Variants in EYA2 observed in about 807,000 individuals in gnomAD.
EYA2 encodes protein phosphatase EYA2.
EYA2 carries 31 observed loss-of-function variants against 69.2 expected under a neutral mutation model. The ratio of observed to expected loss-of-function variants is 0.45; its 90% CI spans 0.34 to 0.60. EYA2 has a LOEUF of 0.60. EYA2 is among the 20% of genes least tolerant of loss of function. The probability of loss-of-function intolerance (pLI) is 0.02; values close to 1 mark genes in which losing one functional copy is unlikely to be tolerated. For synonymous variants in EYA2, 257 were observed against 279.4 expected, an observed-to-expected ratio of 0.92 and a Z score of 0.80; for missense variants, 622 against 701.2, an observed-to-expected ratio of 0.89 and a Z score of 1.28.
intron 5 of EYA2, among the ~76,000 whole-genome samples, chr20:47,051,300 GAAGT>G (rs1374495202): frequency 1.3e-5 from 2 of 152,244 alleles, no homozygotes; most frequent in African/African-American, 4.8e-5. Flanking sequence ...GAAGAAATCA[GAAGT>G]ATGTGCACCA....
intron 10 of EYA2, among the ~76,000 whole-genome samples, chr20:47,164,067 G>A (rs76967534): frequency 0.015 from 2,347 of 152,216 alleles, 60 homozygotes; most frequent in African/African-American, 0.053. Flanking sequence ...CCTGCAGTTC[G>A]TGTGGACAAG....
At position 47,110,472 on chromosome 20, in the gene EYA2, C is replaced by G. The variant is rs1209997173; in HGVS notation, c.888+13304C>G. 3.3e-5 allele frequency among the ~76,000 whole-genome samples: 5 copies of G among 152,096 alleles called. No individual in the cohort carries two copies. The South Asian group carries it at 8.3e-4, about 25-fold the overall frequency. On this transcript the variant is annotated intron_variant, in intron 9 of 15. Transcript: ENST00000327619. ...CCCAGGCTGGTCTCGAACTCCTGGG[C>G]TTAAATCCCAAAGTGCTGTGATTAC...
chr20:47,142,102 A>C (rs2033609148), intron 9 of EYA2, among the ~76,000 whole-genome samples: 1 of 152,230 alleles, frequency 6.6e-6, no homozygotes, highest in African/African-American at 2.4e-5. Flanking sequence ...TGGGACACAC[A>C]GTCTACTCAC....
chr20:47,144,964 CA>C lies in EYA2; in HGVS notation c.978+1820del, dbSNP rs2033671690. Among the ~76,000 whole-genome samples the C allele has an allele frequency of 3.3e-5, 5 of 152,258 alleles. No individual in the cohort carries two copies. The South Asian group carries it at 1.0e-3, about 32-fold the overall frequency. ...TAAAGACTCAGCCGATTGCAAAGATCAAAACCCAACTCGTTTTAACCAAAAG... is the reference window on the plus strand; with the variant it reads ...TAAAGACTCAGCCGATTGCAAAGATCAAACCCAACTCGTTTTAACCAAAAG... On this transcript the variant is annotated intron_variant, in intron 10 of 15. Coordinates refer to ENST00000327619, the MANE Select transcript of EYA2 (RefSeq NM_005244.5).
intron 9 of EYA2, among the ~76,000 whole-genome samples, chr20:47,106,437 T>G (rs2032581736): frequency 6.6e-6 from 1 of 152,214 alleles, no homozygotes; most frequent in African/African-American, 2.4e-5. Context: ...GCAATGGAAT[T>G]CCTACTTGCA....
At chr20:47,112,321 A>G (rs2032768486) in intron 9 of EYA2, among the ~76,000 whole-genome samples, 1 of 152,192 alleles carries the variant, frequency 6.6e-6, no homozygotes, top group African/African-American at 2.4e-5. Flanking sequence ...CAGGGCAGTG[A>G]GTATCAAGAT....
Position 47,089,308 on chromosome 20 carries a change from C to T in EYA2, c.731C>T (p.Ala244Val), listed in dbSNP as rs267605970. ...GGAGACACAGACAGGCCGCACCGGGCCTCCGACGGGAAGCTCCGAGGCCGG... is the reference window on the plus strand; with the variant it reads ...GGAGACACAGACAGGCCGCACCGGGTCTCCGACGGGAAGCTCCGAGGCCGG... ...KEGDTDRPHR[A>V]SDGKLRGRSK... Residue 244 changes from alanine to valine, a missense_variant, in exon 8 of 16, where the codon GCC becomes GTC. Physicochemically the swap from Ala to Val is moderately conservative, Grantham distance 64 (BLOSUM62 0). Around this residue, in one of 2 missense-constraint regions of EYA2, gnomAD observed 365 missense variants for 349.7 expected, o/e 1.04. Transcript: ENST00000327619. 2.3e-5 allele frequency: 37 copies of T among 1,614,078 alleles called. No homozygotes were observed. The African/African-American group carries it at 4.3e-4, about 19-fold the overall frequency.
At chr20:46,984,610 T>C (rs1431411865) in intron 1 of EYA2, among the ~76,000 whole-genome samples, 1 of 152,168 alleles carries the variant, frequency 6.6e-6, no homozygotes, top group Non-Finnish European at 1.5e-5. Context: ...ATTGTGAAAC[T>C]GGAACCCTTA....
At position 46,983,582 on chromosome 20, in the gene EYA2, C is replaced by G. The variant is rs182659172; in HGVS notation, c.-10-6419C>G. ...TAATTTCTTGCCTTTATAGCTACCC[C>G]CTTTTTGCTTGGTTTCTCTGCCTCT... On this transcript the variant is annotated intron_variant, in intron 1 of 15. Transcript: ENST00000327619. Among the ~76,000 whole-genome samples the G allele has an allele frequency of 9.5e-3, 1,454 of 152,304 alleles. 27 individuals are homozygous for G. The highest frequency in any genetic ancestry group is 0.033 in the African/African-American group (1,363 of 41,552).
intron 11 of EYA2, among the ~76,000 whole-genome samples, chr20:47,169,721 T>G (rs1415519878): frequency 6.6e-6 from 1 of 152,060 alleles, no homozygotes; most frequent in East Asian, 1.9e-4. Context: ...CTGCTCAAAA[T>G]GTTGAAAATA....
chr20:47,125,144 C>T (rs2033152596), intron 9 of EYA2, among the ~76,000 whole-genome samples: 1 of 151,094 alleles, frequency 6.6e-6, no homozygotes, highest in Admixed American at 6.6e-5. Flanking sequence ...AGCTCCACCT[C>T]CTGGGTTCAC....
intron 7 of EYA2, among the ~76,000 whole-genome samples, chr20:47,078,015 C>T (rs540804658): frequency 1.4e-3 from 210 of 152,260 alleles, no homozygotes; most frequent in Non-Finnish European, 1.7e-3. Flanking sequence ...GAATGGCAAA[C>T]GAAAAACTTA....
intron 9 of EYA2, among the ~76,000 whole-genome samples, chr20:47,120,925 G>A (rs983936536): frequency 6.6e-6 from 1 of 152,188 alleles, no homozygotes; most frequent in Non-Finnish European, 1.5e-5. Context: ...CGAATGGGTT[G>A]GAAGTGTTCC....
chr20:47,089,482 C>T (rs1336479110), intron 8 of EYA2, 101 bp downstream of exon 8: 9 of 1,350,660 alleles, frequency 6.7e-6, no homozygotes, highest in East Asian at 2.4e-5. Context: ...GGCGGAGAAT[C>T]GCCCTTCGTG....
intron 5 of EYA2, among the ~76,000 whole-genome samples, chr20:47,040,506 G>A (rs184168753): frequency 4.7e-4 from 72 of 152,332 alleles, no homozygotes; most frequent in Admixed American, 4.3e-3. Context: ...AGAAAACGCC[G>A]AGTTGGGGCT....
intron 4 of EYA2, 35 bp downstream of exon 4, chr20:47,005,119 G>T: frequency 6.2e-7 from 1 of 1,605,440 alleles, no homozygotes. Flanking sequence ...CTCCTCCTCA[G>T]GTCCCCAAAT....
intron 9 of EYA2, among the ~76,000 whole-genome samples, chr20:47,125,977 A>G (rs1390506482): frequency 6.6e-6 from 1 of 152,082 alleles, no homozygotes; most frequent in Non-Finnish European, 1.5e-5. Flanking sequence ...CGTCAGGGTA[A>G]TTGACACAGA....
rs1555809755 is a variant in EYA2 at position 46,987,916 on chromosome 20, GTCTCTCTCTC to G, written c.-10-2045_-10-2036del. Among the ~76,000 whole-genome samples the G allele has an allele frequency of 7.9e-3, 160 of 20,336 alleles. 28 individuals are homozygous for G. Among genetic ancestry groups the G allele is most frequent in the East Asian group, 0.022 (13 of 596 alleles). 13.3% of individuals were successfully genotyped at this position (20,336 alleles called of 152,430 possible). A position where few individuals can be genotyped will look rare whatever the true frequency, so the allele number is the denominator to read the frequency against. ...TACTCCAGCCTGGAAGACAGAGTAA[GTCTCTCTCTC>G]TCTCTCTCTCTCTCTCTCTCTCTCT... On this transcript the variant is annotated intron_variant, in intron 1 of 15. Transcript: ENST00000327619.
intron 7 of EYA2, among the ~76,000 whole-genome samples, chr20:47,078,789 T>C (rs1464666710): frequency 6.6e-6 from 1 of 152,218 alleles, no homozygotes; most frequent in Non-Finnish European, 1.5e-5. Context: ...AAGATCAACT[T>C]CCTTTGCCAA....
Sources: gnomAD v4.1 joint callset for allele counts (sites outside exome capture counted in the v4.1 genomes callset) on GRCh38, gnomAD v4.1.1 for gene constraint, gnomAD v4.1.1 regional missense constraint, MANE v1.5 for transcripts, NCBI Gene and HGNC (gene_info 2026-07-23, HGNC 2026-07-21) for gene names.